HOXA3: variants seen among roughly 807,000 people sequenced by gnomAD.
The protein encoded by HOXA3 is homeobox protein Hox-A3.
A neutral mutation model predicts 30.3 loss-of-function variants in HOXA3; 8 were observed. The ratio of observed to expected loss-of-function variants is 0.26; its 90% CI spans 0.15 to 0.48. The LOEUF (loss-of-function observed/expected upper bound fraction) is 0.48. Ranked by LOEUF, HOXA3 falls within the 20% of genes least tolerant of loss-of-function variation. The pLI, the probability that HOXA3 is intolerant of heterozygous loss-of-function variation, is 0.99. For missense variants in HOXA3, 653 were observed against 614.4 expected (o/e 1.06, Z -0.66); for synonymous variants, 323 against 273.1 (o/e 1.18, Z -1.80).
rs767612903 is a variant in HOXA3 at position 27,107,964 on chromosome 7, T to C, written c.1283A>G (p.His428Arg). 6.3e-7 allele frequency: 1 copy of C among 1,598,034 alleles called. No individual in the cohort carries two copies. Among genetic ancestry groups the C allele is most frequent in the East Asian group, 2.3e-5 (1 of 44,436 alleles). Residue 428 changes from histidine to arginine, a missense_variant, in exon 6 of 6, where the codon CAT becomes CGT. Coordinates refer to ENST00000612286, the MANE Select transcript of HOXA3 (RefSeq NM_153631.3). ...TTCCTGAATTCTTCCCTGAGAAGGA[T>C]GGTGGCCGGTAAGGTCCGTGTAGGT... Reference protein sequence around the residue: ...HPTYTDLTGHHPSQGRIQEAP... With the variant: ...HPTYTDLTGHRPSQGRIQEAP...
chr7:27,147,800 C>T, intron 1 of HOXA3: 1 of 1,490,790 alleles, frequency 6.7e-7, no homozygotes, highest in Non-Finnish European at 9.1e-7. Flanking sequence ...GTACATCTGG[C>T]TATAACTATT....
At chr7:27,120,330 C>T (rs922868513) in intron 4 of HOXA3, among the ~76,000 whole-genome samples, 2 of 151,872 alleles carry the variant, frequency 1.3e-5, no homozygotes, top group East Asian at 1.9e-4. Context: ...ATCATGAGGT[C>T]AGCAGTTCGA....
At chr7:27,131,658 G>A (rs1190315441) in intron 2 of HOXA3, among the ~76,000 whole-genome samples, 1 of 152,188 alleles carries the variant, frequency 6.6e-6, no homozygotes, top group Non-Finnish European at 1.5e-5. Context: ...GTGGCCCAAG[G>A]ATGGGAATGG....
chr7:27,110,533 G>T lies in HOXA3; in HGVS notation c.108C>A (p.Ser36=), dbSNP rs756414356. 4.4e-6 allele frequency: 7 copies of T among 1,607,194 alleles called. No homozygotes were observed. Among genetic ancestry groups the T allele is most frequent in the Non-Finnish European group, 6.0e-6 (7 of 1,175,256 alleles). Residue 36 remains serine, a synonymous_variant, in exon 5 of 6, where the codon TCC becomes TCA. Transcript: ENST00000612286. ...ACTCGCCGTCGGCGCCCAAAGCGGC[G>T]GACGCCGGGTACGGCTGCTGATTGG... is the stretch of plus-strand genomic sequence containing the variant. ...YNANQQPYPA[S]AALGADGEYH...
intron 1 of HOXA3, among the ~76,000 whole-genome samples, chr7:27,148,737 C>A (rs1036357240): frequency 2.6e-5 from 4 of 152,270 alleles, no homozygotes; most frequent in African/African-American, 9.6e-5. Context: ...ACCTGCTCCC[C>A]TGCCTAGCGC....
At position 27,146,604 on chromosome 7, in the gene HOXA3, T is replaced by C. The variant is rs926234539; in HGVS notation, c.-494+5684A>G. 2.6e-5 allele frequency among the ~76,000 whole-genome samples: 4 copies of C among 152,158 alleles called. No individual in the cohort carries two copies. The South Asian group carries it at 8.3e-4, about 32-fold the overall frequency. On this transcript the variant is annotated intron_variant, in intron 1 of 5. Coordinates refer to ENST00000612286, the MANE Select transcript of HOXA3 (RefSeq NM_153631.3). ...AACCAGAGGCTAAGAGATGGAGCTA[T>C]AGGTAGTCTAGGATTTCTGGCAATG...
At chr7:27,147,121 C>T (rs1028430566) in intron 1 of HOXA3, 7 of 642,336 alleles carry the variant, frequency 1.1e-5, no homozygotes, top group Admixed American at 3.0e-5. Flanking sequence ...CTTGCCCTTC[C>T]TCTGCCATGG....
At chr7:27,114,843 ATAATATATAT>A (rs1784606834) in intron 4 of HOXA3, among the ~76,000 whole-genome samples, 1 of 103,924 alleles carries the variant, frequency 9.6e-6, no homozygotes, top group Non-Finnish European at 2.0e-5. Flanking sequence ...TATTATATAT[ATAATATATAT>A]TATATATATA....
intron 1 of HOXA3, chr7:27,142,972 G>T: frequency 7.5e-7 from 1 of 1,328,630 alleles, no homozygotes; most frequent in Non-Finnish European, 1.0e-6. Flanking sequence ...CTGGGAGAGG[G>T]CGGCAGAGAA....
intron 2 of HOXA3, among the ~76,000 whole-genome samples, chr7:27,137,799 C>T (rs1225109212): frequency 6.6e-6 from 1 of 152,180 alleles, no homozygotes; most frequent in Non-Finnish European, 1.5e-5. Context: ...TTTTCTCATT[C>T]CTTGGAAAGA....
chr7:27,126,240 C>T (rs1222638710), intron 3 of HOXA3, among the ~76,000 whole-genome samples: 3 of 152,044 alleles, frequency 2.0e-5, no homozygotes, highest in Non-Finnish European at 2.9e-5. Context: ...CGATTTAGGT[C>T]GATTTCAGAT....
At position 27,107,753 on chromosome 7, in the gene HOXA3, C is replaced by G; in HGVS notation, c.*162G>C. 1 of 518,374 alleles carries G rather than the reference C, an allele frequency of 1.9e-6. No homozygotes were observed. Among genetic ancestry groups the G allele is most frequent in the Non-Finnish European group, 3.3e-6 (1 of 304,172 alleles). The allele number at this position is 518,374 out of a possible 1,614,324, so 32.1% of individuals were successfully genotyped here. On this transcript the variant is annotated 3_prime_UTR_variant, in exon 6 of 6. Transcript: ENST00000612286. ...TCACATAAACTATAAAAACGCCTTA[C>G]CAACGAGGGGGGAAACCGGGAAACG...
At chr7:27,122,894 C>T (rs1785090283) in intron 3 of HOXA3, 1 of 133,746 alleles carries the variant, frequency 7.5e-6, no homozygotes, top group Non-Finnish European at 1.6e-5. Context: ...CATACTTTCT[C>T]CTTTTTCTTT....
chr7:27,143,196 T>C, intron 1 of HOXA3: 1 of 1,611,274 alleles, frequency 6.2e-7, no homozygotes, highest in South Asian at 1.1e-5. Flanking sequence ...TCTCTGCTGC[T>C]GATGTGGGTG....
rs1184290164 is a variant in HOXA3 at position 27,142,345 on chromosome 7, GC to G, written c.-493-2160del. ...TCCGGCTTTCCCTGGCCCCTCTCCT[GC>G]CCCCTCCGCCCTGCCCCGGGCGCCC... On this transcript the variant is annotated intron_variant, in intron 1 of 5. Coordinates refer to ENST00000612286, the MANE Select transcript of HOXA3 (RefSeq NM_153631.3). Among the ~76,000 whole-genome samples the G allele has an allele frequency of 5.3e-5, 8 of 152,258 alleles. No homozygotes were observed. The East Asian group carries it at 1.5e-3, about 29-fold the overall frequency.
intron 2 of HOXA3, among the ~76,000 whole-genome samples, chr7:27,131,174 C>A (rs977858123): frequency 3.9e-5 from 6 of 152,212 alleles, no homozygotes; most frequent in Non-Finnish European, 8.8e-5. Flanking sequence ...GCCTAGGCCT[C>A]GGGCTGTCTG....
At chr7:27,129,526 G>A (rs767391027) in intron 2 of HOXA3, 1 of 1,614,114 alleles carries the variant, frequency 6.2e-7, no homozygotes, top group Non-Finnish European at 8.5e-7. Flanking sequence ...CCGGGTGTAG[G>A]CGGTTCGAGA....
intron 2 of HOXA3, among the ~76,000 whole-genome samples, chr7:27,131,720 T>G: frequency 6.6e-6 from 1 of 152,158 alleles, no homozygotes; most frequent in South Asian, 2.1e-4. Flanking sequence ...AACTTCCTAT[T>G]TCAGAACTAT....
intron 1 of HOXA3, chr7:27,147,237 G>C: frequency 7.2e-7 from 1 of 1,386,754 alleles, no homozygotes; most frequent in South Asian, 1.3e-5. Context: ...TTTCTACTCT[G>C]TTTCCTCCTT....
Sources: allele counts gnomAD v4.1 joint callset (sites outside exome capture counted in the v4.1 genomes callset), GRCh38; gene constraint gnomAD v4.1.1; transcripts MANE v1.5; gene names NCBI Gene and HGNC (gene_info 2026-07-23, HGNC 2026-07-21).